DNAAF3: variants seen among roughly 807,000 people sequenced by gnomAD.
The protein encoded by DNAAF3 is UPF0470 protein C19orf51.
A neutral mutation model predicts 50.9 loss-of-function variants in DNAAF3; 40 were observed. The observed-to-expected ratio is 0.79, with a 90% confidence interval of 0.61 to 1.02. DNAAF3 has a LOEUF of 1.02. Among genes scored for constraint, DNAAF3 ranks in the 50% least tolerant of loss-of-function variants. The pLI, the probability that DNAAF3 is intolerant of heterozygous loss-of-function variation, is 0.00. For synonymous variants in DNAAF3, 327 were observed against 322.8 expected, an observed-to-expected ratio of 1.01 and a Z score of -0.14; for missense variants, 763 against 744.7, an observed-to-expected ratio of 1.02 and a Z score of -0.29.
chr19:55,165,517 G>A, intron 3 of DNAAF3, 54 bp from the exon 4 acceptor site: 2 of 1,556,460 alleles, frequency 1.3e-6, no homozygotes, highest in Non-Finnish European at 1.8e-6. Flanking sequence ...CTGGGTCCTA[G>A]GAGACCCAGG....
Position 55,160,519 on chromosome 19 carries a change from G to T in DNAAF3, c.1048+121C>A. 2 of 1,508,176 alleles carry T rather than the reference G, an allele frequency of 1.3e-6. No homozygotes were observed. Among genetic ancestry groups the T allele is most frequent in the South Asian group, 2.4e-5 (2 of 84,556 alleles). The allele number at this position is 1,508,176 out of a possible 1,614,324, so 93.4% of individuals were successfully genotyped here. On this transcript the variant is annotated intron_variant, in intron 9 of 11. Coordinates refer to ENST00000524407, the MANE Select transcript of DNAAF3 (RefSeq NM_001256715.2). This position sits in a 1 kb window ranked among gnomAD's most constrained non-coding sequence, Gnocchi z 4.7. ...GGAAAGGGAGAGAAAGAGAGAAAAAGAGACAGAATATCAAGAAGCCGTCAC... is the reference window on the plus strand; with the variant it reads ...GGAAAGGGAGAGAAAGAGAGAAAAATAGACAGAATATCAAGAAGCCGTCAC...
In DNAAF3 at chr19:55,165,410, G is replaced by A. The variant is rs774895087; in HGVS notation, c.282C>T (p.Phe94=). ...TCTCCGGTTCCTCCAGGGCTAGGCT[G>A]AAGATCAGCATGTGTCGGGCCACAG... ...LEAVARHMLI[F]SLALEEPEKM... is the part of the protein sequence containing the mutation. The change falls in exon 4 of 12, where the codon TTC becomes TTT. Residue 94 remains phenylalanine, a synonymous_variant. Transcript: ENST00000524407. 1 of 1,614,062 alleles carries A rather than the reference G, an allele frequency of 6.2e-7. No individual in the cohort carries two copies. The highest frequency in any genetic ancestry group is 1.3e-5 in the African/African-American group (1 of 74,916).
intron 4 of DNAAF3, among the ~76,000 whole-genome samples, chr19:55,163,017 T>C (rs934810848): frequency 3.2e-5 from 4 of 123,304 alleles, no homozygotes; most frequent in African/African-American, 1.4e-4. Flanking sequence ...TTTTTTTTTT[T>C]TTTTTTTTTT....
Position 55,164,523 on chromosome 19 carries a change from C to A in DNAAF3, c.322+847G>T, listed in dbSNP as rs2085901618. On this transcript the variant is annotated intron_variant, in intron 4 of 11. Transcript: ENST00000524407. ...AAACAAACAAACCTGTTTTCTTTTT[C>A]TTTCTTTCTTTTTTTTTTAGATGGA... 2.1e-5 allele frequency among the ~76,000 whole-genome samples: 3 copies of A among 145,516 alleles called. No homozygotes were observed. The Middle Eastern group carries it at 0.012, about 560-fold the overall frequency.
At position 55,161,189 on chromosome 19, in the gene DNAAF3, T is replaced by C; in HGVS notation, c.790-2A>G. 1 of 1,577,152 alleles carries C rather than the reference T, an allele frequency of 6.3e-7. No individual in the cohort carries two copies. Among genetic ancestry groups the C allele is most frequent in the Non-Finnish European group, 8.6e-7 (1 of 1,161,124 alleles). ...GCGCGCTGCCACGCGCTCCCCACGC[T>C]GGAAAAGGAGGGAGAGAGGAGGCAG... On this transcript the variant is annotated splice_acceptor_variant, in intron 7 of 11. Transcript: ENST00000524407. LOFTEE classifies it high-confidence loss of function. This position sits in a 1 kb window ranked among gnomAD's most constrained non-coding sequence, Gnocchi z 6.4.
chr19:55,163,449 C>T (rs8110415), intron 4 of DNAAF3, among the ~76,000 whole-genome samples: 26,435 of 151,632 alleles, frequency 0.17, 2,386 homozygotes, highest in Middle Eastern at 0.29. Flanking sequence ...TGAGCCACCG[C>T]GCCCGGCCAA....
chr19:55,161,116 G>C lies in DNAAF3; in HGVS notation c.861C>G (p.Ile287Met), dbSNP rs1220681383. The C allele has an allele frequency of 6.5e-7, 1 of 1,546,354 alleles. No homozygotes were observed. The highest frequency in any genetic ancestry group is 2.0e-5 in the Admixed American group (1 of 51,038). ...GCAGGAGGCTCTCGTCGTCCGCTTC[G>C]ATGCCGAAGGCCACGAAGGGCCCCG... ...IATGPFVAFGIEADDESLLRT... is the reference protein window; with the variant it reads ...IATGPFVAFGMEADDESLLRT... The change falls in exon 8 of 12, where the codon ATC (isoleucine) becomes ATG (methionine). Residue 287 changes from isoleucine (I) to methionine (M), a missense_variant. Coordinates refer to ENST00000524407, the MANE Select transcript of DNAAF3 (RefSeq NM_001256715.2). This position sits in a 1 kb window ranked among gnomAD's most constrained non-coding sequence, Gnocchi z 6.4.
Position 55,159,472 on chromosome 19 carries a change from C to T in DNAAF3, c.1239-23G>A, listed in dbSNP as rs760079402. On this transcript the variant is annotated intron_variant, in intron 11 of 11. Transcript: ENST00000524407. ...TACCTGCAGATGGGAAGCGCCCTGTCAGGGACCCAGATTTTGATCCCCAGC... is the reference window on the plus strand; with the variant it reads ...TACCTGCAGATGGGAAGCGCCCTGTTAGGGACCCAGATTTTGATCCCCAGC... 19 of 1,608,514 alleles carry T rather than the reference C, an allele frequency of 1.2e-5. 1 individual carries two copies. The South Asian group carries it at 2.0e-4, about 17-fold the overall frequency.
rs1190373411 is a variant in DNAAF3 at position 55,161,622 on chromosome 19, C to T, written c.663+21G>A. 1.3e-6 allele frequency: 2 copies of T among 1,526,468 alleles called. No homozygotes were observed. Among genetic ancestry groups the T allele is most frequent in the Non-Finnish European group, 1.8e-6 (2 of 1,140,378 alleles). The allele number at this position is 1,526,468 out of a possible 1,614,324, so 94.6% of individuals were successfully genotyped here. ...CAGACCCAGGGGTCCAGGCCCCCAG[C>T]CCCTCTCCTGGGCCCCTCACCCCGC... is the stretch of plus-strand genomic sequence containing the variant. On this transcript the variant is annotated intron_variant, in intron 6 of 11. Coordinates refer to ENST00000524407, the MANE Select transcript of DNAAF3 (RefSeq NM_001256715.2). This position sits in a 1 kb window ranked among gnomAD's most constrained non-coding sequence, Gnocchi z 6.4.
At position 55,166,607 on chromosome 19, in the gene DNAAF3, C is replaced by CG. The variant is rs1490867690; in HGVS notation, c.-90_-89insC. The CG allele has an allele frequency of 3.7e-6, 6 of 1,614,030 alleles. No individual in the cohort carries two copies. The highest frequency in any genetic ancestry group is 5.1e-6 in the Non-Finnish European group (6 of 1,180,018). On this transcript the variant is annotated 5_prime_UTR_variant, in exon 1 of 12. Transcript: ENST00000524407. The surrounding 1 kb of genome is among the most constrained non-coding windows in gnomAD (Gnocchi z 4.0). ...CCCGCGGCACTCCACAACCGCTGCC[C>CG]AGAGTCCCCGCCCTTTTCGAGGAAT... is the stretch of plus-strand genomic sequence containing the variant.
In DNAAF3 at chr19:55,158,889, G is replaced by A; in HGVS notation, c.*173C>T. ...TCTAGGAATAGACCATAGAATCTCA[G>A]AAATGGAATTTGAAAGTCTACCAAC... is the stretch of plus-strand genomic sequence containing the variant. On this transcript the variant is annotated 3_prime_UTR_variant, in exon 12 of 12. Transcript: ENST00000524407. 1 of 676,528 alleles carries A rather than the reference G, an allele frequency of 1.5e-6. No individual in the cohort carries two copies. Among genetic ancestry groups the A allele is most frequent in the Admixed American group, 3.1e-5 (1 of 32,522 alleles). The allele number at this position is 676,528 out of a possible 1,614,324, so 41.9% of individuals were successfully genotyped here. A position where few individuals can be genotyped will look rare whatever the true frequency, so the allele number is the denominator to read the frequency against.
Position 55,166,576 on chromosome 19 carries a change from T to A in DNAAF3, c.-58A>T. The A allele has an allele frequency of 6.2e-7, 1 of 1,614,058 alleles. No individual in the cohort carries two copies. Among genetic ancestry groups the A allele is most frequent in the Non-Finnish European group, 8.5e-7 (1 of 1,179,946 alleles). ...CCTTCCTCTCTGCTCAGTGCAGCAC[T>A]GTGGACCCGCGGCACTCCACAACCG... On this transcript the variant is annotated 5_prime_UTR_variant, in exon 1 of 12. Transcript: ENST00000524407. This position sits in a 1 kb window ranked among gnomAD's most constrained non-coding sequence, Gnocchi z 4.0.
Position 55,159,294 on chromosome 19 carries a change from G to A in DNAAF3, c.1394C>T (p.Thr465Ile). The A allele has an allele frequency of 6.2e-7, 1 of 1,614,146 alleles. No homozygotes were observed. The highest frequency in any genetic ancestry group is 8.5e-7 in the Non-Finnish European group (1 of 1,180,038). ...AGTTCCGGGTTCCACAGCTGGGACA[G>A]TGTTGCCCAGAGCTGATTCCTGGGA... ...CKSQESALGNTVPAVEPGTPP... is the reference protein window; with the variant it reads ...CKSQESALGNIVPAVEPGTPP... The change falls in exon 12 of 12, where the codon ACT becomes ATT. Residue 465 changes from threonine to isoleucine, a missense_variant. Coordinates refer to ENST00000524407, the MANE Select transcript of DNAAF3 (RefSeq NM_001256715.2).
chr19:55,159,979 G>T lies in DNAAF3; in HGVS notation c.1083C>A (p.Phe361Leu). 1 of 1,606,036 alleles carries T rather than the reference G, an allele frequency of 6.2e-7. No individual in the cohort carries two copies. Among genetic ancestry groups the T allele is most frequent in the Non-Finnish European group, 8.5e-7 (1 of 1,175,596 alleles). The change falls in exon 10 of 12, where the codon TTC (phenylalanine) becomes TTA (leucine). Residue 361 changes from phenylalanine to leucine, a missense_variant. Transcript: ENST00000524407. Reference protein sequence around the residue: ...APTPESFTVHFLPLNSAQTLH... With the variant: ...APTPESFTVHLLPLNSAQTLH... Reference sequence around the variant, plus strand: ...GAGTCTGAGCAGAATTGAGCGGCAGGAAGTGGACGGTGAAAGATTCCGGGG... The same window carrying T: ...GAGTCTGAGCAGAATTGAGCGGCAGTAAGTGGACGGTGAAAGATTCCGGGG...
Position 55,159,328 on chromosome 19 carries a change from A to C in DNAAF3, c.1360T>G (p.Phe454Val), listed in dbSNP as rs746688785. 1.2e-6 allele frequency: 2 copies of C among 1,614,044 alleles called. No homozygotes were observed. The highest frequency in any genetic ancestry group is 2.7e-5 in the African/African-American group (2 of 74,932). ...GARPSETFAR[F>V]CKSQESALGN... ...AGAGCTGATTCCTGGGACTTGCAGA[A>C]ACGTGCGAAGGTCTCTGAAGGCCTG... is the stretch of plus-strand genomic sequence containing the variant. Residue 454 changes from phenylalanine to valine, a missense_variant, in exon 12 of 12, where the codon TTC becomes GTC. Physicochemically the swap from Phe to Val is conservative, Grantham distance 50 (BLOSUM62 -1). Transcript: ENST00000524407.
chr19:55,162,465 T>TA lies in DNAAF3; in HGVS notation c.323-176dup, dbSNP rs1188476626. 3 of 878,630 alleles carry TA rather than the reference T, an allele frequency of 3.4e-6. No individual in the cohort carries two copies. In the African/African-American group the frequency reaches 5.3e-5, roughly 15 times the overall value. The allele number at this position is 878,630 out of a possible 1,614,324, so 54.4% of individuals were successfully genotyped here. A position where few individuals can be genotyped will look rare whatever the true frequency, so the allele number is the denominator to read the frequency against. On this transcript the variant is annotated intron_variant, in intron 4 of 11. Coordinates refer to ENST00000524407, the MANE Select transcript of DNAAF3 (RefSeq NM_001256715.2). ...GGCCGGACATGGTGGCGGGCGCCTG[T>TA]AATCCCAGTTACTCGGGAGGCTGAG...
At chr19:55,165,079 G>T (rs2085914994) in intron 4 of DNAAF3, among the ~76,000 whole-genome samples, 2 of 135,424 alleles carry the variant, frequency 1.5e-5, no homozygotes, top group Non-Finnish European at 3.0e-5. Context: ...ACCCTGGCTG[G>T]AGTGCAGTGG....
chr19:55,160,974 C>CTGGGGGCGGGGCCTGCTG lies in DNAAF3; in HGVS notation c.912+73_912+90dup. On this transcript the variant is annotated intron_variant, in intron 8 of 11. Coordinates refer to ENST00000524407, the MANE Select transcript of DNAAF3 (RefSeq NM_001256715.2). This position sits in a 1 kb window ranked among gnomAD's most constrained non-coding sequence, Gnocchi z 4.7. ...ACCAAGCGACGGGCGGGGTCTGGAG[C>CTGGGGGCGGGGCCTGCTG]TGGGGGCGGGGCCTGCTGTGGGGGC... 6.8e-7 allele frequency: 1 copy of CTGGGGGCGGGGCCTGCTG among 1,463,498 alleles called. No homozygotes were observed. The highest frequency in any genetic ancestry group is 9.0e-7 in the Non-Finnish European group (1 of 1,111,206). 90.7% of individuals were successfully genotyped at this position (1,463,498 alleles called of 1,614,324 possible). A position where few individuals can be genotyped will look rare whatever the true frequency, so the allele number is the denominator to read the frequency against.
chr19:55,163,096 G>A (rs2085871128), intron 4 of DNAAF3, among the ~76,000 whole-genome samples: 2 of 129,408 alleles, frequency 1.5e-5, no homozygotes, highest in African/African-American at 5.8e-5. Context: ...TGCAAGCTCC[G>A]CCTCCCGGGT....
Sources: gnomAD v4.1 joint callset for allele counts (sites outside exome capture counted in the v4.1 genomes callset) on GRCh38, gnomAD v4.1.1 for gene constraint, Gnocchi (gnomAD v3.1) non-coding constraint, MANE v1.5 for transcripts, NCBI Gene and HGNC (gene_info 2026-07-23, HGNC 2026-07-21) for gene names.